The following PKN2 variants were observed in gnomAD, a reference collection of about 807,000 sequenced individuals.
PKN2 encodes the protein protein kinase N2.
PKN2 carries 38 observed loss-of-function variants against 119.1 expected under a neutral mutation model. The observed-to-expected ratio is 0.32, with a 90% confidence interval of 0.25 to 0.42. PKN2 has a LOEUF of 0.42. Ranked by LOEUF, PKN2 falls within the 10% of genes least tolerant of loss-of-function variation. The pLI is 1.00. For synonymous variants in PKN2, 390 were observed against 384.9 expected, an observed-to-expected ratio of 1.01 and a Z score of -0.15; for missense variants, 850 against 1,165.1, an observed-to-expected ratio of 0.73 and a Z score of 3.94.
At chr1:88,822,648 G>T (rs1050779141) in intron 17 of PKN2, among the ~76,000 whole-genome samples, 1 of 147,802 alleles carries the variant, frequency 6.8e-6, no homozygotes. Flanking sequence ...GCACAATCTC[G>T]GCTCATGGCA....
intron 1 of PKN2, among the ~76,000 whole-genome samples, chr1:88,729,141 G>A (rs553181925): frequency 1.2e-3 from 180 of 152,166 alleles, no homozygotes; most frequent in South Asian, 0.011. Context: ...TGATCTGCCC[G>A]CCTCGTCCTC....
At chr1:88,775,579 C>T (rs187965561) in intron 6 of PKN2, among the ~76,000 whole-genome samples, 34 of 152,110 alleles carry the variant, frequency 2.2e-4, no homozygotes, top group Non-Finnish European at 3.1e-4. Context: ...CATCCATGTG[C>T]GGGTTTATTA....
chr1:88,761,398 C>CT (rs1387886189), intron 3 of PKN2, among the ~76,000 whole-genome samples: 2 of 151,092 alleles, frequency 1.3e-5, no homozygotes, highest in East Asian at 1.9e-4. Context: ...TTACATATTT[C>CT]TTTTTTTGTT....
chr1:88,761,144 G>A (rs982374075), intron 3 of PKN2, among the ~76,000 whole-genome samples: 20 of 152,124 alleles, frequency 1.3e-4, no homozygotes, highest in African/African-American at 3.6e-4. Flanking sequence ...ATAAGAACAT[G>A]TCCTTGTTGT....
chr1:88,716,224 A>G (rs1052085255), intron 1 of PKN2, among the ~76,000 whole-genome samples: 8 of 152,126 alleles, frequency 5.3e-5, no homozygotes, highest in Non-Finnish European at 1.2e-4. Flanking sequence ...TATGTGGTCA[A>G]TTTTGGAATA....
intron 1 of PKN2, among the ~76,000 whole-genome samples, chr1:88,692,018 C>A (rs68000953): frequency 0.041 from 6,168 of 151,142 alleles, 201 homozygotes; most frequent in African/African-American, 0.085. Flanking sequence ...GAAGGTCTCT[C>A]GGTGGATAAA....
At chr1:88,702,868 G>A (rs754361198) in intron 1 of PKN2, among the ~76,000 whole-genome samples, 18 of 152,144 alleles carry the variant, frequency 1.2e-4, no homozygotes, top group Non-Finnish European at 2.4e-4. Context: ...TTCATATTCT[G>A]TTCCTTGCTT....
chr1:88,754,758 G>T (rs1055354889), intron 2 of PKN2, among the ~76,000 whole-genome samples: 2 of 152,132 alleles, frequency 1.3e-5, no homozygotes, highest in African/African-American at 4.8e-5. Flanking sequence ...ATTTATATTG[G>T]CTAAATGTAT....
intron 6 of PKN2, among the ~76,000 whole-genome samples, chr1:88,774,584 A>G (rs1251879952): frequency 6.6e-6 from 1 of 151,372 alleles, no homozygotes; most frequent in African/African-American, 2.4e-5. Flanking sequence ...CAGCCAAATT[A>G]TATACAACAA....
chr1:88,771,451 G>A lies in PKN2; in HGVS notation c.653G>A (p.Arg218Gln), dbSNP rs1232666178. 1.9e-6 allele frequency: 3 copies of A among 1,604,452 alleles called. No homozygotes were observed. The highest frequency in any genetic ancestry group is 2.5e-6 in the Non-Finnish European group (3 of 1,176,592). ...CCTGTGATAAGTCCTCTTGAACTTC[G>A]GATGGAAGAATTAAGGCATCATTTT... ...AKPVISPLELRMEELRHHFRI... is the reference protein window; with the variant it reads ...AKPVISPLELQMEELRHHFRI... Residue 218 changes from arginine (R) to glutamine (Q), a missense_variant, in exon 5 of 22, where the codon CGG becomes CAG. By Grantham distance (43) the Arg-to-Gln change is conservative. Transcript: ENST00000370521.
intron 1 of PKN2, among the ~76,000 whole-genome samples, chr1:88,730,045 G>T (rs1668078185): frequency 6.6e-6 from 1 of 151,992 alleles, no homozygotes; most frequent in Non-Finnish European, 1.5e-5. Flanking sequence ...GGCGCCTGTA[G>T]TCCCAGCTAC....
In PKN2 at chr1:88,822,023, T is replaced by C. The variant is rs1204711983; in HGVS notation, c.2342+20T>C. On this transcript the variant is annotated intron_variant, in intron 17 of 21. Transcript: ENST00000370521. ...TTATAGGTAAGTTAATTTTTAATTTTTTCTAATGGCTTGCTTTGGTATGAT... is the reference window on the plus strand; with the variant it reads ...TTATAGGTAAGTTAATTTTTAATTTCTTCTAATGGCTTGCTTTGGTATGAT... 1 of 1,506,452 alleles carries C rather than the reference T, an allele frequency of 6.6e-7. No individual in the cohort carries two copies. The allele number at this position is 1,506,452 out of a possible 1,614,324, so 93.3% of individuals were successfully genotyped here.
intron 1 of PKN2, among the ~76,000 whole-genome samples, chr1:88,707,986 A>G (rs1441912598): frequency 6.6e-6 from 1 of 152,116 alleles, no homozygotes; most frequent in Non-Finnish European, 1.5e-5. Flanking sequence ...TGTGTATTTG[A>G]AGGAAACCCA....
chr1:88,825,852 T>G (rs182684277), intron 18 of PKN2, among the ~76,000 whole-genome samples: 1 of 152,274 alleles, frequency 6.6e-6, no homozygotes, highest in African/African-American at 2.4e-5. Context: ...CTGCCTGCCT[T>G]CCTCTCTGGC....
chr1:88,789,384 G>A (rs1363833535), intron 8 of PKN2, among the ~76,000 whole-genome samples: 4 of 152,076 alleles, frequency 2.6e-5, no homozygotes, highest in Admixed American at 6.6e-5. Flanking sequence ...GAAGTTAGCC[G>A]TGTGCAGTAG....
chr1:88,771,269 A>G (rs370144528), intron 4 of PKN2, 152 bp from the exon 5 acceptor site: 1 of 502,786 alleles, frequency 2.0e-6, no homozygotes, highest in Non-Finnish European at 3.4e-6. Flanking sequence ...CTGAATTTCA[A>G]TATCATATCA....
chr1:88,826,311 T>C (rs1672497938), intron 18 of PKN2, among the ~76,000 whole-genome samples: 2 of 151,816 alleles, frequency 1.3e-5, no homozygotes. Flanking sequence ...ATTATATAGC[T>C]AACAACTTTT....
Position 88,833,436 on chromosome 1 carries a change from T to C in PKN2, c.2943T>C (p.Ala981=). Residue 981 remains alanine, a synonymous_variant, in exon 22 of 22, where the codon GCT becomes GCC. Coordinates refer to ENST00000370521, the MANE Select transcript of PKN2 (RefSeq NM_006256.4). ...TGTTCAGAGATTTTGACTACATTGC[T>C]GATTGGTGTTAAGTTGCTAGACACT... ...QEMFRDFDYI[A]DWC is the part of the protein sequence containing the mutation. 6.2e-7 allele frequency: 1 copy of C among 1,613,014 alleles called. No individual in the cohort carries two copies. Among genetic ancestry groups the C allele is most frequent in the Non-Finnish European group, 8.5e-7 (1 of 1,179,166 alleles).
At chr1:88,819,002 T>A (rs2100908412) in intron 16 of PKN2, among the ~76,000 whole-genome samples, 1 of 137,862 alleles carries the variant, frequency 7.3e-6, no homozygotes, top group African/African-American at 3.2e-5. Flanking sequence ...ACTGAACCCC[T>A]TCCTTACACC....
Sources: gnomAD v4.1 joint callset for allele counts (sites outside exome capture counted in the v4.1 genomes callset) on GRCh38, gnomAD v4.1.1 for gene constraint, MANE v1.5 for transcripts, NCBI Gene and HGNC (gene_info 2026-07-23, HGNC 2026-07-21) for gene names.